Variants in FXR2 observed in about 807,000 individuals in gnomAD.
FXR2 encodes FMR1 autosomal homolog 2.
In FXR2, 9 loss-of-function variants were observed where a neutral mutation model predicts 87.3. That is an observed-to-expected ratio of 0.10 (90% CI 0.06 to 0.18). The LOEUF (loss-of-function observed/expected upper bound fraction) is 0.18. Ranked by LOEUF, FXR2 falls within the 10% of genes least tolerant of loss-of-function variation. The pLI is 1.00. For missense variants in FXR2, 661 were observed against 893.6 expected (o/e 0.74, Z 3.32); for synonymous variants, 331 against 328.3 (o/e 1.01, Z -0.09).
chr17:7,599,834 C>T (rs1362188082), intron 7 of FXR2, among the ~76,000 whole-genome samples: 1 of 151,984 alleles, frequency 6.6e-6, no homozygotes, highest in Non-Finnish European at 1.5e-5. Context: ...GCCAAGATAG[C>T]GCCACTGCGC....
At chr17:7,611,404 A>C (rs1239732981) in intron 1 of FXR2, among the ~76,000 whole-genome samples, 1 of 152,202 alleles carries the variant, frequency 6.6e-6, no homozygotes, top group Non-Finnish European at 1.5e-5. Context: ...GTGGTGGCTC[A>C]CGCCTGTAAT....
In FXR2 at chr17:7,593,804, T is replaced by C; in HGVS notation, c.1107+114A>G. 2.4e-6 allele frequency: 2 copies of C among 835,478 alleles called. No homozygotes were observed. The highest frequency in any genetic ancestry group is 4.4e-5 in the Admixed American group (2 of 44,946). 51.8% of individuals were successfully genotyped at this position (835,478 alleles called of 1,614,324 possible). ...CCCTATAGCCCCAAATTTCCACAGA[T>C]GTTTTCTGTTCTACACGGAGAGACA... On this transcript the variant is annotated intron_variant, in intron 11 of 16. Transcript: ENST00000250113. This position sits in a 1 kb window ranked among gnomAD's most constrained non-coding sequence, Gnocchi z 6.1.
Position 7,591,718 on chromosome 17 carries a change from C to A in FXR2, c.*112G>T. 4.1e-6 allele frequency: 3 copies of A among 726,042 alleles called. No homozygotes were observed. Among genetic ancestry groups the A allele is most frequent in the East Asian group, 5.4e-5 (2 of 37,042 alleles). The allele number at this position is 726,042 out of a possible 1,614,324, so 45.0% of individuals were successfully genotyped here. A position where few individuals can be genotyped will look rare whatever the true frequency, so the allele number is the denominator to read the frequency against. ...GGGGGGTACCCAAGCTGCTGTGCCA[C>A]CCCCCTCCCCCCTAGATAAGAGCAG... On this transcript the variant is annotated 3_prime_UTR_variant, in exon 17 of 17. Coordinates refer to ENST00000250113, the MANE Select transcript of FXR2 (RefSeq NM_004860.4). The surrounding 1 kb of genome is among the most constrained non-coding windows in gnomAD (Gnocchi z 4.0).
chr17:7,598,660 T>G (rs1261036154), intron 7 of FXR2, among the ~76,000 whole-genome samples: 1 of 152,206 alleles, frequency 6.6e-6, no homozygotes, highest in Non-Finnish European at 1.5e-5. Context: ...ATCGCACTAC[T>G]GCACTCCAGC....
intron 3 of FXR2, among the ~76,000 whole-genome samples, chr17:7,605,392 A>G (rs2071794880): frequency 6.6e-6 from 1 of 151,922 alleles, no homozygotes; most frequent in Non-Finnish European, 1.5e-5. Context: ...AACAACAACA[A>G]AAAAATCAGA....
rs1364174163 is a variant in FXR2, at chr17:7,605,022, C to T, written c.228+623G>A. On this transcript the variant is annotated intron_variant, in intron 3 of 16. Transcript: ENST00000250113. Reference sequence around the variant, plus strand: ...TCAGGTGTGAGCCACTGCATCCAGCCTGGGATGTATCTTAAACCAAGGATA... The same window carrying T: ...TCAGGTGTGAGCCACTGCATCCAGCTTGGGATGTATCTTAAACCAAGGATA... Among the ~76,000 whole-genome samples, 4 of 151,984 alleles carry T rather than the reference C, an allele frequency of 2.6e-5. No individual in the cohort carries two copies. The East Asian group carries it at 7.8e-4, about 30-fold the overall frequency.
Position 7,594,596 on chromosome 17 carries a change from T to C in FXR2, c.910+83A>G, listed in dbSNP as rs2071692695. 1.1e-6 allele frequency: 1 copy of C among 908,528 alleles called. No homozygotes were observed. The highest frequency in any genetic ancestry group is 1.9e-6 in the Non-Finnish European group (1 of 538,364). The allele number at this position is 908,528 out of a possible 1,614,324, so 56.3% of individuals were successfully genotyped here. ...GTGAAACTGGGAGTCCACAGGGAGGTGCCAATCCTGGATAAAAGCTCAGAA... is the reference window on the plus strand; with the variant it reads ...GTGAAACTGGGAGTCCACAGGGAGGCGCCAATCCTGGATAAAAGCTCAGAA... On this transcript the variant is annotated intron_variant, in intron 9 of 16. Transcript: ENST00000250113. This position sits in a 1 kb window ranked among gnomAD's most constrained non-coding sequence, Gnocchi z 5.1.
Position 7,592,212 on chromosome 17 carries a change from C to G in FXR2, c.1926+42G>C, listed in dbSNP as rs1325055390. ...TTTTGTGCCCCCTGCCCCAGAGTAA[C>G]AACAAAAAAGGGATGGGGTAAAGCA... On this transcript the variant is annotated intron_variant, in intron 16 of 16. Coordinates refer to ENST00000250113, the MANE Select transcript of FXR2 (RefSeq NM_004860.4). The surrounding 1 kb of genome is among the most constrained non-coding windows in gnomAD (Gnocchi z 4.8). 1 of 1,549,592 alleles carries G rather than the reference C, an allele frequency of 6.5e-7. No homozygotes were observed. The highest frequency in any genetic ancestry group is 8.9e-7 in the Non-Finnish European group (1 of 1,127,564).
chr17:7,600,204 C>T (rs1185251437), intron 7 of FXR2, among the ~76,000 whole-genome samples: 2 of 148,830 alleles, frequency 1.3e-5, no homozygotes, highest in African/African-American at 2.5e-5. Flanking sequence ...CAGTCATATC[C>T]TTTTTTTCTT....
chr17:7,612,321 A>G (rs886288727), intron 1 of FXR2, among the ~76,000 whole-genome samples: 1 of 152,228 alleles, frequency 6.6e-6, no homozygotes, highest in African/African-American at 2.4e-5. Flanking sequence ...GGGCCACTTT[A>G]GGAAGCTATT....
chr17:7,609,895 T>C (rs1382746692), intron 1 of FXR2, among the ~76,000 whole-genome samples: 4 of 146,754 alleles, frequency 2.7e-5, no homozygotes, highest in South Asian at 2.1e-4. Flanking sequence ...TACATATATA[T>C]ACACATACAT....
chr17:7,591,738 G>A lies in FXR2; in HGVS notation c.*92C>T, dbSNP rs1597869501. The A allele has an allele frequency of 1.0e-5, 8 of 771,086 alleles. No homozygotes were observed. In the East Asian group the frequency reaches 2.1e-4, roughly 20 times the overall value. 47.8% of individuals were successfully genotyped at this position (771,086 alleles called of 1,614,324 possible). On this transcript the variant is annotated 3_prime_UTR_variant, in exon 17 of 17. Coordinates refer to ENST00000250113, the MANE Select transcript of FXR2 (RefSeq NM_004860.4). This position sits in a 1 kb window ranked among gnomAD's most constrained non-coding sequence, Gnocchi z 4.0. ...TGCCACCCCCCTCCCCCCTAGATAA[G>A]AGCAGCTCCAGCGCAGGTCAGTTGG...
chr17:7,610,005 C>CATGTATGT lies in FXR2; in HGVS notation c.82-3857_82-3856insACATACAT, dbSNP rs1555572247. On this transcript the variant is annotated intron_variant, in intron 1 of 16. Coordinates refer to ENST00000250113, the MANE Select transcript of FXR2 (RefSeq NM_004860.4). ...ATATATATATACATGTATATGTATACATATATATATACATGTATATGTATA... is the reference window on the plus strand; with the variant it reads ...ATATATATATACATGTATATGTATACATGTATGTATATATATATACATGTATATGTATA... Among the ~76,000 whole-genome samples, 23 of 98,696 alleles carry CATGTATGT rather than the reference C, an allele frequency of 2.3e-4. 1 individual carries two copies. Among genetic ancestry groups the CATGTATGT allele is most frequent in the Non-Finnish European group, 3.7e-4 (18 of 48,426 alleles). 64.7% of individuals were successfully genotyped at this position (98,696 alleles called of 152,430 possible).
At position 7,612,977 on chromosome 17, in the gene FXR2, A is replaced by C. The variant is rs538188326; in HGVS notation, c.81+1475T>G. Among the ~76,000 whole-genome samples the C allele has an allele frequency of 5.6e-5, 8 of 142,706 alleles. No individual in the cohort carries two copies. In the South Asian group the frequency reaches 7.2e-4, roughly 13 times the overall value. 93.6% of individuals were successfully genotyped at this position (142,706 alleles called of 152,430 possible). A position where few individuals can be genotyped will look rare whatever the true frequency, so the allele number is the denominator to read the frequency against. On this transcript the variant is annotated intron_variant, in intron 1 of 16. Transcript: ENST00000250113. ...CACCACTGCACTCCAAGCCTGGGCAACAGGGCGAGACTCCATCTCAAAAAA... is the reference window on the plus strand; with the variant it reads ...CACCACTGCACTCCAAGCCTGGGCACCAGGGCGAGACTCCATCTCAAAAAA...
intron 1 of FXR2, among the ~76,000 whole-genome samples, chr17:7,607,821 G>T (rs555864848): frequency 6.6e-6 from 1 of 151,998 alleles, no homozygotes; most frequent in African/African-American, 2.4e-5. Context: ...TTGAGACAGA[G>T]TTTCGCTCTT....
chr17:7,606,267 G>A, intron 1 of FXR2, 118 bp from the exon 2 acceptor site: 1 of 662,620 alleles, frequency 1.5e-6, no homozygotes, highest in Non-Finnish European at 2.6e-6. Context: ...AGGGACACAA[G>A]TGGTGTAATG....
intron 5 of FXR2, among the ~76,000 whole-genome samples, chr17:7,603,462 G>A (rs188456018): frequency 6.6e-6 from 1 of 151,580 alleles, no homozygotes; most frequent in Non-Finnish European, 1.5e-5. Context: ...AGGAGGTGGA[G>A]GTTGCGGTGA....
chr17:7,613,988 A>G, intron 1 of FXR2: 1 of 454,622 alleles, frequency 2.2e-6, no homozygotes, highest in Non-Finnish European at 4.4e-6. Context: ...CAGTAGGCAG[A>G]GGCCTCTCTG....
intron 1 of FXR2, among the ~76,000 whole-genome samples, chr17:7,613,123 T>G (rs2071888770): frequency 1.5e-5 from 2 of 132,978 alleles, no homozygotes; most frequent in Admixed American, 7.7e-5. Flanking sequence ...AGAGAAGGAG[T>G]CAAAGAAAGA....
Sources: gnomAD v4.1 joint callset for allele counts (sites outside exome capture counted in the v4.1 genomes callset) on GRCh38, gnomAD v4.1.1 for gene constraint, Gnocchi (gnomAD v3.1) non-coding constraint, MANE v1.5 for transcripts, NCBI Gene and HGNC (gene_info 2026-07-23, HGNC 2026-07-21) for gene names.